ANXA3: variants seen among roughly 807,000 people sequenced by gnomAD.
The protein encoded by ANXA3 is 35-alpha calcimedin.
ANXA3 carries 46 observed loss-of-function variants against 48.8 expected under a neutral mutation model. The ratio of observed to expected loss-of-function variants is 0.94; its 90% CI spans 0.74 to 1.21. The LOEUF (loss-of-function observed/expected upper bound fraction) is 1.21, where lower values mean the gene tolerates loss of function less well. ANXA3 is among the 50% of genes most tolerant of loss of function. The pLI is 0.00. For synonymous variants in ANXA3, 128 were observed against 134.7 expected (o/e 0.95, Z 0.35); for missense variants, 383 against 378.6 (o/e 1.01, Z -0.10).
At chr4:78,591,215 T>C (rs1723288443) in intron 6 of ANXA3, among the ~76,000 whole-genome samples, 1 of 152,212 alleles carries the variant, frequency 6.6e-6, no homozygotes, top group Non-Finnish European at 1.5e-5. Flanking sequence ...ATGGCCAGAA[T>C]GGAAATTGAA....
intron 2 of ANXA3, among the ~76,000 whole-genome samples, chr4:78,569,194 A>T (rs1459223559): frequency 6.6e-6 from 1 of 152,162 alleles, no homozygotes; most frequent in Non-Finnish European, 1.5e-5. Context: ...AGGCATCTGA[A>T]GGTCAAGTTT....
At chr4:78,561,623 T>C (rs1458608095) in intron 2 of ANXA3, among the ~76,000 whole-genome samples, 2 of 152,136 alleles carry the variant, frequency 1.3e-5, no homozygotes, top group East Asian at 3.9e-4. Context: ...TGCATGTGAA[T>C]ATGCTGAACT....
intron 10 of ANXA3, among the ~76,000 whole-genome samples, chr4:78,600,046 G>T (rs12647801): frequency 0.068 from 10,294 of 152,178 alleles, 531 homozygotes; most frequent in East Asian, 0.25. Context: ...AACACGTCTG[G>T]CAGTGGACAG....
At chr4:78,601,934 C>T (rs915898634) in intron 11 of ANXA3, 1 of 161,772 alleles carries the variant, frequency 6.2e-6, no homozygotes, top group African/African-American at 2.4e-5. Context: ...AGTTCATCCT[C>T]TATTTTAAAT....
intron 8 of ANXA3, 92 bp from the exon 9 acceptor site, chr4:78,595,702 G>A (rs977340655): frequency 6.0e-6 from 5 of 830,876 alleles, no homozygotes; most frequent in Non-Finnish European, 9.8e-6. Flanking sequence ...ATAGATGATG[G>A]CACTGACCTC....
Position 78,564,613 on chromosome 4 carries a change from G to C in ANXA3, c.16-8567G>C, listed in dbSNP as rs534387357. Among the ~76,000 whole-genome samples the C allele has an allele frequency of 3.9e-5, 6 of 152,304 alleles. No homozygotes were observed. The East Asian group carries it at 1.2e-3, about 29-fold the overall frequency. ...GGAGAGACAGATATAAACAGCGAGAGGTATTACTCAATGCTGAGTGCCCTA... is the reference window on the plus strand; with the variant it reads ...GGAGAGACAGATATAAACAGCGAGACGTATTACTCAATGCTGAGTGCCCTA... On this transcript the variant is annotated intron_variant, in intron 2 of 12. Coordinates refer to ENST00000264908, the MANE Select transcript of ANXA3 (RefSeq NM_005139.3).
chr4:78,557,606 G>A (rs562195276), intron 2 of ANXA3, among the ~76,000 whole-genome samples: 60 of 152,204 alleles, frequency 3.9e-4, no homozygotes, highest in African/African-American at 1.4e-3. Flanking sequence ...AAAACAGGAG[G>A]CTAACCTGAG....
At chr4:78,593,680 A>C (rs1723353071) in intron 7 of ANXA3, among the ~76,000 whole-genome samples, 3 of 148,816 alleles carry the variant, frequency 2.0e-5, no homozygotes, top group African/African-American at 7.6e-5. Flanking sequence ...TCTGTTGCCC[A>C]GGCTTGAGAA....
intron 4 of ANXA3, among the ~76,000 whole-genome samples, chr4:78,580,165 G>A (rs757791513): frequency 1.3e-5 from 2 of 152,140 alleles, no homozygotes; most frequent in Non-Finnish European, 2.9e-5. Context: ...AATTAAAATG[G>A]TTGATATGAT....
chr4:78,591,033 G>A (rs544939043), intron 6 of ANXA3, among the ~76,000 whole-genome samples: 1 of 152,326 alleles, frequency 6.6e-6, no homozygotes, highest in Admixed American at 6.5e-5. Flanking sequence ...TTGGATGGAG[G>A]AAGGACTAAG....
At position 78,570,775 on chromosome 4, in the gene ANXA3, T is replaced by C. The variant is rs111756838; in HGVS notation, c.16-2405T>C. Among the ~76,000 whole-genome samples, 149 of 152,350 alleles carry C rather than the reference T, an allele frequency of 9.8e-4. 1 individual carries two copies. Among genetic ancestry groups the C allele is most frequent in the African/African-American group, 3.3e-3 (138 of 41,578 alleles). On this transcript the variant is annotated intron_variant, in intron 2 of 12. Coordinates refer to ENST00000264908, the MANE Select transcript of ANXA3 (RefSeq NM_005139.3). ...ATTATAATTAACATATATAAAGTGC[T>C]TAGCATGTAAAGTGTGCTGGGCATG...
Position 78,586,258 on chromosome 4 carries a change from A to G in ANXA3, c.313-2A>G. ...AAAATTAGATTTTCTTTTCCTTTTT[A>G]GGGCGCGGGAACAAACGAAGATGCC... On this transcript the variant is annotated splice_acceptor_variant, in intron 5 of 12. Transcript: ENST00000264908. LOFTEE classifies it high-confidence loss of function. 2 of 1,610,918 alleles carry G rather than the reference A, an allele frequency of 1.2e-6. No homozygotes were observed. The highest frequency in any genetic ancestry group is 1.7e-6 in the Non-Finnish European group (2 of 1,178,738).
intron 2 of ANXA3, among the ~76,000 whole-genome samples, chr4:78,563,297 G>T (rs6533779): frequency 0.015 from 2,299 of 152,236 alleles, 66 homozygotes; most frequent in African/African-American, 0.053. Flanking sequence ...TCCCTCACAG[G>T]TTTCTCATCC....
chr4:78,589,368 G>A (rs141882005), intron 6 of ANXA3, among the ~76,000 whole-genome samples: 1 of 152,260 alleles, frequency 6.6e-6, no homozygotes, highest in African/African-American at 2.4e-5. Flanking sequence ...AGAGATTAAT[G>A]ATACACAAGA....
rs765128875 is a variant in ANXA3, at chr4:78,582,303, C to G, written c.312+13C>G. ...GAAATCCATGAAGGTATGAGCCCCC[C>G]ACAAGCCATTTCTGCCCAGGGTTTG... is the stretch of plus-strand genomic sequence containing the variant. On this transcript the variant is annotated intron_variant, in intron 5 of 12. Coordinates refer to ENST00000264908, the MANE Select transcript of ANXA3 (RefSeq NM_005139.3). The G allele has an allele frequency of 2.6e-6, 4 of 1,565,550 alleles. No homozygotes were observed. In the South Asian group the frequency reaches 4.5e-5, roughly 17 times the overall value.
At chr4:78,597,255 C>T in intron 9 of ANXA3, 64 bp from the exon 10 acceptor site, 1 of 1,080,476 alleles carries the variant, frequency 9.3e-7, no homozygotes, top group Non-Finnish European at 1.4e-6. Context: ...AAATAAAAAA[C>T]TAGAATATAT....
At chr4:78,578,335 G>GAGAGAC (rs1222825789) in intron 3 of ANXA3, among the ~76,000 whole-genome samples, 1 of 134,178 alleles carries the variant, frequency 7.5e-6, no homozygotes, top group South Asian at 2.6e-4. Context: ...GAGAGAAAGG[G>GAGAGAC]AGGGAGGGAG....
intron 5 of ANXA3, 24 bp downstream of exon 5, chr4:78,582,314 T>C: frequency 6.6e-7 from 1 of 1,520,162 alleles, no homozygotes; most frequent in Non-Finnish European, 9.1e-7. Flanking sequence ...ACAAGCCATT[T>C]CTGCCCAGGG....
rs1267159088 is a variant in ANXA3 at position 78,586,977 on chromosome 4, T to A, written c.403+627T>A. 6.6e-5 allele frequency among the ~76,000 whole-genome samples: 10 copies of A among 152,108 alleles called. 1 individual carries two copies. The highest frequency in any genetic ancestry group is 4.6e-4 in the Admixed American group (7 of 15,264). On this transcript the variant is annotated intron_variant, in intron 6 of 12. Coordinates refer to ENST00000264908, the MANE Select transcript of ANXA3 (RefSeq NM_005139.3). ...TAACCAGCTGGCTACAAATTCAGGG[T>A]TCTCACTACCCTCTCAGGTTGAATA...
Sources: gnomAD v4.1 joint callset for allele counts (sites outside exome capture counted in the v4.1 genomes callset) on GRCh38, gnomAD v4.1.1 for gene constraint, MANE v1.5 for transcripts, NCBI Gene and HGNC (gene_info 2026-07-23, HGNC 2026-07-21) for gene names.